UTS2B: variants seen among roughly 807,000 people sequenced by gnomAD.
UTS2B encodes urotensin 2B, also known as urotensin-2B.
A neutral mutation model predicts 19.2 loss-of-function variants in UTS2B; 21 were observed. That is an observed-to-expected ratio of 1.09 (90% CI 0.78 to 1.58). The LOEUF (loss-of-function observed/expected upper bound fraction) is 1.58, where lower values mean the gene tolerates loss of function less well. Among genes scored for constraint, UTS2B ranks in the 40% most tolerant of loss-of-function variants. UTS2B has a pLI of 0.00. For synonymous variants in UTS2B, 57 were observed against 50.2 expected (o/e 1.14, Z -0.58); for missense variants, 138 against 130.3 (o/e 1.06, Z -0.29).
At chr3:191,288,538 A>T (rs985911461) in intron 4 of UTS2B, among the ~76,000 whole-genome samples, 4 of 152,216 alleles carry the variant, frequency 2.6e-5, no homozygotes, top group Non-Finnish European at 5.9e-5. Flanking sequence ...GAGTCTTTTC[A>T]ATAAGTGGTG....
intron 8 of UTS2B, chr3:191,273,382 C>T (rs1716142998): frequency 4.6e-6 from 2 of 432,070 alleles, no homozygotes; most frequent in African/African-American, 2.0e-5. Flanking sequence ...TTACATTTAC[C>T]AACCTGCCTT....
At chr3:191,337,035 T>C in the UTS2B span, among the ~76,000 whole-genome samples, 1 of 152,194 alleles carries the variant, frequency 6.6e-6, no homozygotes, top group Non-Finnish European at 1.5e-5. Context: ...AAAGTTTTAT[T>C]GGAACATAGC....
intron 4 of UTS2B, among the ~76,000 whole-genome samples, chr3:191,300,166 C>T (rs1716957637): frequency 6.6e-6 from 1 of 152,188 alleles, no homozygotes; most frequent in Non-Finnish European, 1.5e-5. Flanking sequence ...TCTCCCAGCT[C>T]AGCCTCCCGA....
upstream of UTS2B, among the ~76,000 whole-genome samples, chr3:191,332,066 T>C (rs944908901): frequency 2.0e-5 from 3 of 152,176 alleles, no homozygotes; most frequent in Non-Finnish European, 4.4e-5. Flanking sequence ...CAATAGAGAT[T>C]AAGAAGAATA....
chr3:191,333,645 T>C (rs991897204), upstream of UTS2B, among the ~76,000 whole-genome samples: 2 of 152,204 alleles, frequency 1.3e-5, no homozygotes, highest in Admixed American at 1.3e-4. Context: ...GAATGTCTTT[T>C]ATGTAATCAG....
At chr3:191,287,472 C>T (rs1179792240) in intron 4 of UTS2B, among the ~76,000 whole-genome samples, 2 of 152,030 alleles carry the variant, frequency 1.3e-5, no homozygotes, top group Non-Finnish European at 1.5e-5. Context: ...AAATGTGATC[C>T]ACCGAATTAA....
chr3:191,288,569 C>T (rs1239083849), intron 4 of UTS2B, among the ~76,000 whole-genome samples: 1 of 152,018 alleles, frequency 6.6e-6, no homozygotes, highest in Non-Finnish European at 1.5e-5. Context: ...TGAATATTCA[C>T]ATTCAAAAGA....
intron 8 of UTS2B, among the ~76,000 whole-genome samples, chr3:191,274,939 G>T (rs557757601): frequency 1.2e-3 from 190 of 152,260 alleles, no homozygotes; most frequent in African/African-American, 4.3e-3. Flanking sequence ...GACTTAAAAT[G>T]GATTATTTCT....
intron 8 of UTS2B, among the ~76,000 whole-genome samples, chr3:191,269,556 G>A (rs1484711730): frequency 1.3e-5 from 2 of 149,086 alleles, no homozygotes; most frequent in African/African-American, 5.0e-5. Flanking sequence ...TCCCCAGCCT[G>A]GACCACAGTG....
chr3:191,290,586 C>T (rs1177276495), intron 4 of UTS2B, among the ~76,000 whole-genome samples: 1 of 152,114 alleles, frequency 6.6e-6, no homozygotes, highest in Admixed American at 6.5e-5. Context: ...ATTGGGGAAA[C>T]ACAGAGATAG....
At chr3:191,344,484 A>G in the UTS2B span, among the ~76,000 whole-genome samples, 1 of 152,254 alleles carries the variant, frequency 6.6e-6, no homozygotes, top group Non-Finnish European at 1.5e-5. Flanking sequence ...ATATAGTGTG[A>G]AACAATTATT....
chr3:191,303,936 G>A (rs938749264), intron 4 of UTS2B, among the ~76,000 whole-genome samples: 1 of 152,050 alleles, frequency 6.6e-6, no homozygotes, highest in African/African-American at 2.4e-5. Flanking sequence ...CAATGGGGAA[G>A]GATATATTGC....
chr3:191,273,478 A>G (rs1158803178), intron 8 of UTS2B: 2 of 456,700 alleles, frequency 4.4e-6, no homozygotes, highest in Non-Finnish European at 8.8e-6. Context: ...AACTGAGGCA[A>G]TTGAAAGCTG....
At chr3:191,291,879 A>C (rs1489966503) in intron 4 of UTS2B, among the ~76,000 whole-genome samples, 2 of 152,116 alleles carry the variant, frequency 1.3e-5, no homozygotes, top group African/African-American at 2.4e-5. Flanking sequence ...TCTTTCCCCC[A>C]TGAATGGTCT....
the UTS2B span, among the ~76,000 whole-genome samples, chr3:191,337,298 G>T: frequency 2.6e-5 from 4 of 152,178 alleles, no homozygotes; most frequent in African/African-American, 9.6e-5. Flanking sequence ...TTAATATAAT[G>T]ATGCCCTTGG....
chr3:191,299,391 G>C (rs1454709081), intron 4 of UTS2B, among the ~76,000 whole-genome samples: 1 of 152,258 alleles, frequency 6.6e-6, no homozygotes, highest in Non-Finnish European at 1.5e-5. Context: ...GCAGCCTCTG[G>C]ACACTGCTCT....
chr3:191,346,097 C>T, the UTS2B span, among the ~76,000 whole-genome samples: 15 of 152,158 alleles, frequency 9.9e-5, no homozygotes, highest in African/African-American at 2.9e-4. Flanking sequence ...GGAAGATTGT[C>T]GACAAATTTG....
intron 4 of UTS2B, among the ~76,000 whole-genome samples, chr3:191,282,807 C>T (rs1716427119): frequency 6.6e-6 from 1 of 152,128 alleles, no homozygotes; most frequent in Admixed American, 6.5e-5. Context: ...TACTGTCTCA[C>T]TATATTAGAA....
At chr3:191,291,801 C>CTTTA (rs138851677) in intron 4 of UTS2B, among the ~76,000 whole-genome samples, 40,593 of 151,196 alleles carry the variant, frequency 0.27, 6,165 homozygotes, top group African/African-American at 0.4. Flanking sequence ...TGGGTTTCAC[C>CTTTA]TTTATTTATT....
Sources: gnomAD v4.1 joint callset for allele counts (sites outside exome capture counted in the v4.1 genomes callset) on GRCh38, gnomAD v4.1.1 for gene constraint, MANE v1.5 for transcripts, NCBI Gene and HGNC (gene_info 2026-07-23, HGNC 2026-07-21) for gene names.